PKIB: variants seen among roughly 807,000 people sequenced by gnomAD.
PKIB encodes PKI-beta.
PKIB carries 2 observed loss-of-function variants against 4.5 expected under a neutral mutation model. The observed-to-expected ratio is 0.44, with a 90% CI of 0.18 to 1.39. PKIB has a LOEUF of 1.39. PKIB is among the 40% of genes most tolerant of loss of function. PKIB has a pLI of 0.27. For synonymous variants in PKIB, 38 were observed against 36.0 expected (o/e 1.06, Z -0.20); for missense variants, 94 against 92.6 (o/e 1.02, Z -0.06).
intron 2 of PKIB, among the ~76,000 whole-genome samples, chr6:122,505,373 C>T (rs1307542761): frequency 1.3e-5 from 2 of 152,176 alleles, no homozygotes; most frequent in Admixed American, 6.5e-5. Context: ...TATACAGGCA[C>T]CCCACAAGCC....
chr6:122,590,923 A>G (rs1286662376), intron 3 of PKIB, among the ~76,000 whole-genome samples: 2 of 152,150 alleles, frequency 1.3e-5, no homozygotes, highest in East Asian at 3.9e-4. Context: ...AAAAGTGTAG[A>G]AGGTGTCTGC....
intron 2 of PKIB, among the ~76,000 whole-genome samples, chr6:122,504,789 G>A (rs1435044276): frequency 1.3e-5 from 2 of 152,136 alleles, no homozygotes; most frequent in Non-Finnish European, 2.9e-5. Context: ...TACATAAAAT[G>A]TGTTGGTTTA....
intron 2 of PKIB, among the ~76,000 whole-genome samples, chr6:122,506,221 G>A (rs183503280): frequency 3.3e-5 from 5 of 152,114 alleles, no homozygotes; most frequent in African/African-American, 9.7e-5. Context: ...AGGTGAAAAG[G>A]TGACAGTTTT....
At chr6:122,656,146 A>G (rs34426917) in intron 2 of PKIB, among the ~76,000 whole-genome samples, 8,576 of 152,210 alleles carry the variant, frequency 0.056, 258 homozygotes, top group East Asian at 0.13. Flanking sequence ...TATAAAAACA[A>G]TTGACTATGC....
chr6:122,601,458 A>G (rs2114741167), intron 3 of PKIB, among the ~76,000 whole-genome samples: 1 of 152,274 alleles, frequency 6.6e-6, no homozygotes, highest in East Asian at 1.9e-4. Flanking sequence ...TTCTGTATCA[A>G]TATCTTCCTT....
chr6:122,506,502 C>G (rs1776401542), intron 2 of PKIB, among the ~76,000 whole-genome samples: 1 of 151,994 alleles, frequency 6.6e-6, no homozygotes, highest in Non-Finnish European at 1.5e-5. Context: ...AAAATTGGCC[C>G]AAATTATGGG....
intron 2 of PKIB, chr6:122,643,892 T>A (rs1562282495): frequency 6.6e-6 from 1 of 152,220 alleles, no homozygotes; most frequent in Non-Finnish European, 1.5e-5. Flanking sequence ...CTGGAAGACA[T>A]CATGAATATT....
intron 4 of PKIB, among the ~76,000 whole-genome samples, chr6:122,719,719 ACACACACACACACACACACACACACAC>A (rs1336910668): frequency 1.9e-3 from 1 of 518 alleles, no homozygotes; most frequent in Non-Finnish European, 3.9e-3. Context: ...CCACACATAC[ACACACACACACACACACACACACACAC>A]ACACACACAC....
In PKIB at chr6:122,633,972, A is replaced by ATCTATCTATCTG. The variant is rs1415105451; in HGVS notation, c.-76+607_-76+608insTATCTATCTGTC. Among the ~76,000 whole-genome samples, 3 of 151,778 alleles carry ATCTATCTATCTG rather than the reference A, an allele frequency of 2.0e-5. No homozygotes were observed. The South Asian group carries it at 6.2e-4, about 32-fold the overall frequency. On this transcript the variant is annotated intron_variant, in intron 2 of 4. Transcript: ENST00000368452. The stretch of plus-strand genomic sequence containing the variant: ...TATCTATCTATCTATCTATCTATCT[A>ATCTATCTATCTG]TCCATCTATCTATGACAGATATCTG...
At chr6:122,670,460 A>C (rs1303154449) in intron 2 of PKIB, among the ~76,000 whole-genome samples, 1 of 151,270 alleles carries the variant, frequency 6.6e-6, no homozygotes, top group Non-Finnish European at 1.5e-5. Context: ...CTACCAATCC[A>C]CCCATCACCC....
chr6:122,651,500 TCAGA>T (rs1776552040), intron 2 of PKIB, among the ~76,000 whole-genome samples: 2 of 152,186 alleles, frequency 1.3e-5, no homozygotes, highest in Non-Finnish European at 2.9e-5. Context: ...AGAGTTAACC[TCAGA>T]CAGGGGTGAA....
intron 2 of PKIB, among the ~76,000 whole-genome samples, chr6:122,513,464 T>G (rs1203002975): frequency 1.3e-5 from 2 of 152,220 alleles, no homozygotes; most frequent in Non-Finnish European, 2.9e-5. Context: ...ATATTTATAT[T>G]CAATTTCAAC....
chr6:122,655,011 C>G (rs1776710895), intron 2 of PKIB, among the ~76,000 whole-genome samples: 1 of 152,080 alleles, frequency 6.6e-6, no homozygotes, highest in Non-Finnish European at 1.5e-5. Context: ...GAATTTAACT[C>G]TTTTGCCCAG....
intron 2 of PKIB, among the ~76,000 whole-genome samples, chr6:122,664,360 C>A (rs1345859326): frequency 6.6e-6 from 1 of 152,120 alleles, no homozygotes; most frequent in Non-Finnish European, 1.5e-5. Context: ...TCTAGTCATT[C>A]TCAGATTAAA....
chr6:122,556,720 C>A (rs1467157218), intron 2 of PKIB, among the ~76,000 whole-genome samples: 1 of 152,128 alleles, frequency 6.6e-6, no homozygotes, highest in African/African-American at 2.4e-5. Context: ...ACTTTGTCTC[C>A]TCTGCAGAAA....
At chr6:122,693,710 A>G (rs894211613) in intron 3 of PKIB, among the ~76,000 whole-genome samples, 1 of 152,222 alleles carries the variant, frequency 6.6e-6, no homozygotes, top group African/African-American at 2.4e-5. Context: ...AAAGCACTCA[A>G]TGAATATTTT....
intron 3 of PKIB, among the ~76,000 whole-genome samples, chr6:122,714,112 G>T (rs1193837735): frequency 6.6e-6 from 1 of 152,170 alleles, no homozygotes; most frequent in Non-Finnish European, 1.5e-5. Context: ...TCACCTTGTG[G>T]ATTCAAATAT....
intron 2 of PKIB, among the ~76,000 whole-genome samples, chr6:122,570,635 A>G (rs945708944): frequency 1.3e-5 from 2 of 152,244 alleles, no homozygotes; most frequent in African/African-American, 4.8e-5. Context: ...ATAACTAAGG[A>G]AGTCATACAG....
At chr6:122,657,809 A>C (rs1315547701) in intron 2 of PKIB, among the ~76,000 whole-genome samples, 2 of 152,246 alleles carry the variant, frequency 1.3e-5, no homozygotes, top group South Asian at 4.1e-4. Context: ...TCATAAAACC[A>C]ATAAAAATTC....
Sources: gnomAD v4.1 joint callset for allele counts (sites outside exome capture counted in the v4.1 genomes callset) on GRCh38, gnomAD v4.1.1 for gene constraint, MANE v1.5 for transcripts, NCBI Gene and HGNC (gene_info 2026-07-23, HGNC 2026-07-21) for gene names.